PSD3: variants seen among roughly 807,000 people sequenced by gnomAD.
PSD3 encodes the protein pleckstrin and Sec7 domain containing 3.
A neutral mutation model predicts 105.5 loss-of-function variants in PSD3; 49 were observed. The ratio of observed to expected loss-of-function variants is 0.46; its 90% CI spans 0.37 to 0.59. The LOEUF is 0.59. PSD3 is among the 20% of genes least tolerant of loss of function. The pLI, the probability that PSD3 is intolerant of heterozygous loss-of-function variation, is 0.00. For synonymous variants in PSD3, 557 were observed against 457.8 expected (o/e 1.22, Z -2.77); for missense variants, 1,561 against 1,263.8 (o/e 1.24, Z -3.57).
chr8:18,550,647 G>A lies in PSD3; in HGVS notation c.2928+5562C>T, dbSNP rs549805100. Among the ~76,000 whole-genome samples, 6 of 152,080 alleles carry A rather than the reference G, an allele frequency of 3.9e-5. No homozygotes were observed. In the South Asian group the frequency reaches 1.2e-3, roughly 32 times the overall value. ...GTGGGCAAAATTATCTAACCCCAAA[G>A]CCTGTTTTATAATAAAATATTGAAT... On this transcript the variant is annotated intron_variant, in intron 15 of 15. Transcript: ENST00000327040.
At chr8:18,831,237 G>T (rs188390879) in intron 4 of PSD3, among the ~76,000 whole-genome samples, 2 of 152,300 alleles carry the variant, frequency 1.3e-5, no homozygotes, top group African/African-American at 4.8e-5. Context: ...TCTGTAAAGT[G>T]AAAGTATTAA....
chr8:18,540,750 G>C (rs536267105), intron 15 of PSD3, among the ~76,000 whole-genome samples: 1 of 152,234 alleles, frequency 6.6e-6, no homozygotes, highest in Non-Finnish European at 1.5e-5. Context: ...ACAAGACAGA[G>C]TGTGTCAGCT....
chr8:18,703,249 C>T (rs1456847189), intron 9 of PSD3, among the ~76,000 whole-genome samples: 4 of 152,154 alleles, frequency 2.6e-5, no homozygotes, highest in Admixed American at 2.6e-4. Context: ...CCAGTGCATT[C>T]TGCAGCTGTA....
At chr8:18,910,502 G>T (rs1820139280) in intron 2 of PSD3, among the ~76,000 whole-genome samples, 2 of 104,414 alleles carry the variant, frequency 1.9e-5, no homozygotes, top group African/African-American at 7.4e-5. Flanking sequence ...TCGGGGGAGG[G>T]GGGAGGGATA....
At chr8:18,811,732 C>A (rs1014119212) in intron 4 of PSD3, among the ~76,000 whole-genome samples, 8 of 152,106 alleles carry the variant, frequency 5.3e-5, no homozygotes, top group Admixed American at 3.9e-4. Context: ...TGTGTGAGGG[C>A]AAGCAAGAAA....
intron 1 of PSD3, among the ~76,000 whole-genome samples, chr8:18,963,010 T>C (rs1295461307): frequency 6.6e-6 from 1 of 152,046 alleles, no homozygotes; most frequent in Non-Finnish European, 1.5e-5. Context: ...TAAAAAGAGG[T>C]TTAATTGGAC....
At chr8:19,082,963 A>G (rs1487935535) in intron 1 of PSD3, among the ~76,000 whole-genome samples, 1 of 152,214 alleles carries the variant, frequency 6.6e-6, no homozygotes, top group Non-Finnish European at 1.5e-5. Flanking sequence ...GCCCTTGTTA[A>G]AAAGAGAAAA....
intron 8 of PSD3, among the ~76,000 whole-genome samples, chr8:18,797,907 T>C (rs1029868262): frequency 2.0e-5 from 3 of 152,112 alleles, no homozygotes; most frequent in Non-Finnish European, 4.4e-5. Context: ...ACTGACTTGA[T>C]TCAATGTTAT....
At chr8:18,609,985 C>A (rs979294195) in intron 11 of PSD3, among the ~76,000 whole-genome samples, 2 of 152,206 alleles carry the variant, frequency 1.3e-5, no homozygotes, top group Non-Finnish European at 2.9e-5. Context: ...TATTAATTAT[C>A]CCTGGTTTAT....
At chr8:18,636,137 T>C (rs1206938743) in intron 10 of PSD3, among the ~76,000 whole-genome samples, 1 of 152,212 alleles carries the variant, frequency 6.6e-6, no homozygotes, top group East Asian at 1.9e-4. Context: ...GGACAATACA[T>C]GAGGCGAAAG....
intron 9 of PSD3, among the ~76,000 whole-genome samples, chr8:18,691,338 T>G (rs1344496866): frequency 6.6e-6 from 1 of 152,204 alleles, no homozygotes; most frequent in Non-Finnish European, 1.5e-5. Context: ...GTACGGACAA[T>G]GCAGAACAAA....
At chr8:18,637,534 G>T (rs558720417) in intron 10 of PSD3, among the ~76,000 whole-genome samples, 104 of 152,182 alleles carry the variant, frequency 6.8e-4, no homozygotes, top group African/African-American at 2.5e-3. Context: ...GCCTTTTCCA[G>T]AATGGCATAT....
At chr8:18,567,584 A>G (rs1381762529) in intron 14 of PSD3, among the ~76,000 whole-genome samples, 1 of 152,228 alleles carries the variant, frequency 6.6e-6, no homozygotes, top group African/African-American at 2.4e-5. Flanking sequence ...ACAAGTAAGC[A>G]TTCAATATAT....
At chr8:18,979,768 C>T (rs117332519) in intron 1 of PSD3, 2,755 of 167,202 alleles carry the variant, frequency 0.016, 41 homozygotes, top group Non-Finnish European at 0.027. Context: ...ATTCTTGCTA[C>T]AACTAAAAGA....
At chr8:19,006,408 C>A (rs541560098) in intron 1 of PSD3, among the ~76,000 whole-genome samples, 30 of 151,878 alleles carry the variant, frequency 2.0e-4, no homozygotes, top group African/African-American at 7.2e-4. Flanking sequence ...AAATAGATGT[C>A]ATTCTTTCTC....
chr8:18,616,472 T>A (rs1393919836), intron 11 of PSD3, among the ~76,000 whole-genome samples: 1 of 152,098 alleles, frequency 6.6e-6, no homozygotes, highest in Non-Finnish European at 1.5e-5. Flanking sequence ...TAGGAAAGAT[T>A]AACTCAGTGT....
intron 4 of PSD3, among the ~76,000 whole-genome samples, chr8:18,818,186 C>T (rs966866738): frequency 2.0e-5 from 3 of 152,124 alleles, no homozygotes; most frequent in Non-Finnish European, 4.4e-5. Flanking sequence ...AACTCCTGAC[C>T]TCTGGTGATC....
chr8:18,971,599 C>T (rs1824656287), intron 1 of PSD3, among the ~76,000 whole-genome samples: 1 of 152,184 alleles, frequency 6.6e-6, no homozygotes, highest in Admixed American at 6.5e-5. Flanking sequence ...AGTCCCGCCT[C>T]ACATCTGCCT....
chr8:19,013,475 C>A, intron 1 of PSD3, 88 bp downstream of exon 1: 3 of 1,557,164 alleles, frequency 1.9e-6, no homozygotes, highest in Non-Finnish European at 2.6e-6. Context: ...TCCTGGGGGA[C>A]AGAGCGGCGA....
Sources: gnomAD v4.1 joint callset for allele counts (sites outside exome capture counted in the v4.1 genomes callset) on GRCh38, gnomAD v4.1.1 for gene constraint, MANE v1.5 for transcripts, NCBI Gene and HGNC (gene_info 2026-07-23, HGNC 2026-07-21) for gene names.